ZNF385D: variants seen among roughly 807,000 people sequenced by gnomAD.
ZNF385D encodes zinc finger protein 659.
A neutral mutation model predicts 35.8 loss-of-function variants in ZNF385D; 15 were observed. The ratio of observed to expected loss-of-function variants is 0.42; its 90% CI spans 0.28 to 0.64. The LOEUF is 0.64. ZNF385D is among the 30% of genes least tolerant of loss of function. The pLI is 0.23. For synonymous variants in ZNF385D, 212 were observed against 186.8 expected (o/e 1.13, Z -1.10); for missense variants, 474 against 494.6 (o/e 0.96, Z 0.39).
chr3:21,962,676 C>A (rs1702660875), intron 3 of ZNF385D, among the ~76,000 whole-genome samples: 1 of 152,148 alleles, frequency 6.6e-6, no homozygotes, highest in African/African-American at 2.4e-5. Context: ...GTGCTATTAA[C>A]TGGTGAGGTG....
At chr3:21,806,798 T>G (rs1246193888) in intron 3 of ZNF385D, among the ~76,000 whole-genome samples, 1 of 152,220 alleles carries the variant, frequency 6.6e-6, no homozygotes, top group Non-Finnish European at 1.5e-5. Flanking sequence ...TACAAACTCC[T>G]GAACCTTCTT....
At chr3:21,826,292 G>A (rs1042256010) in intron 3 of ZNF385D, among the ~76,000 whole-genome samples, 4 of 152,156 alleles carry the variant, frequency 2.6e-5, no homozygotes, top group African/African-American at 7.2e-5. Flanking sequence ...AACGTTTACC[G>A]CAATCCCCAA....
At chr3:21,826,299 C>A (rs759009799) in intron 3 of ZNF385D, among the ~76,000 whole-genome samples, 2 of 152,140 alleles carry the variant, frequency 1.3e-5, no homozygotes, top group Non-Finnish European at 2.9e-5. Flanking sequence ...ACCGCAATCC[C>A]CAACCTGATT....
At chr3:22,015,472 C>G (rs1229889314) in intron 3 of ZNF385D, among the ~76,000 whole-genome samples, 1 of 152,108 alleles carries the variant, frequency 6.6e-6, no homozygotes, top group African/African-American at 2.4e-5. Flanking sequence ...GGCAGCCCCA[C>G]AGCTCACTGT....
chr3:22,245,425 T>C (rs865844923), intron 2 of ZNF385D, among the ~76,000 whole-genome samples: 1 of 149,382 alleles, frequency 6.7e-6, no homozygotes, highest in Non-Finnish European at 1.5e-5. Flanking sequence ...TCAAAATATT[T>C]AGAGGTAGTG....
intron 3 of ZNF385D, among the ~76,000 whole-genome samples, chr3:21,812,919 G>A (rs759905890): frequency 1.3e-5 from 2 of 152,186 alleles, no homozygotes; most frequent in African/African-American, 2.4e-5. Context: ...TGACCCCTGA[G>A]TAGCCCAACT....
chr3:21,908,150 CTATCTAT>C (rs1699786687), intron 3 of ZNF385D, among the ~76,000 whole-genome samples: 1 of 150,408 alleles, frequency 6.6e-6, no homozygotes, highest in African/African-American at 2.5e-5. Context: ...ATCTATCTAT[CTATCTAT>C]CTATCTATCT....
At chr3:22,247,242 T>C (rs1699832858) in intron 2 of ZNF385D, among the ~76,000 whole-genome samples, 1 of 151,990 alleles carries the variant, frequency 6.6e-6, no homozygotes, top group Non-Finnish European at 1.5e-5. Context: ...AACCATCTGA[T>C]TAAAAGAAAA....
At chr3:22,146,679 C>T (rs1398137279) in intron 3 of ZNF385D, among the ~76,000 whole-genome samples, 2 of 152,190 alleles carry the variant, frequency 1.3e-5, no homozygotes, top group East Asian at 3.9e-4. Flanking sequence ...CATTATATAA[C>T]ACTTATGATT....
At chr3:21,442,109 T>A (rs1701890836) in intron 4 of ZNF385D, among the ~76,000 whole-genome samples, 1 of 152,118 alleles carries the variant, frequency 6.6e-6, no homozygotes, top group Non-Finnish European at 1.5e-5. Context: ...ACACTGTAAA[T>A]ACTTCTTTAA....
intron 3 of ZNF385D, among the ~76,000 whole-genome samples, chr3:21,942,113 ATG>A (rs1701551106): frequency 1.3e-5 from 2 of 152,150 alleles, no homozygotes; most frequent in Non-Finnish European, 2.9e-5. Context: ...CTTTAACTTT[ATG>A]TGTATTATGT....
At chr3:21,629,197 C>G (rs78608855) in intron 2 of ZNF385D, among the ~76,000 whole-genome samples, 1,557 of 152,122 alleles carry the variant, frequency 0.01, 22 homozygotes, top group Non-Finnish European at 0.015. Flanking sequence ...TGAAGACTTT[C>G]TAAAAGTTGT....
chr3:22,288,746 C>A (rs1335257640), intron 2 of ZNF385D, among the ~76,000 whole-genome samples: 1 of 152,052 alleles, frequency 6.6e-6, no homozygotes, highest in East Asian at 1.9e-4. Flanking sequence ...TTATCTTGTT[C>A]TTTCATTTGG....
At chr3:22,080,749 T>C (rs1168100384) in intron 3 of ZNF385D, among the ~76,000 whole-genome samples, 1 of 152,078 alleles carries the variant, frequency 6.6e-6, no homozygotes, top group Non-Finnish European at 1.5e-5. Flanking sequence ...GTAGGGCCTT[T>C]GGGGGGCAAT....
chr3:22,234,930 C>G (rs772677329), intron 2 of ZNF385D, among the ~76,000 whole-genome samples: 1 of 151,882 alleles, frequency 6.6e-6, no homozygotes, highest in African/African-American at 2.4e-5. Context: ...TTTAGCCAGG[C>G]AAAATATCTT....
intron 1 of ZNF385D, among the ~76,000 whole-genome samples, chr3:21,725,730 A>G (rs1395834344): frequency 2.0e-5 from 3 of 152,190 alleles, no homozygotes; most frequent in African/African-American, 4.8e-5. Flanking sequence ...AGAAAAATTG[A>G]CAGCTGAATT....
intron 3 of ZNF385D, among the ~76,000 whole-genome samples, chr3:22,036,058 C>T (rs1469826049): frequency 1.3e-5 from 2 of 151,922 alleles, no homozygotes; most frequent in Non-Finnish European, 2.9e-5. Context: ...ACAAGGGTAT[C>T]CTGGGAGGAA....
intron 3 of ZNF385D, among the ~76,000 whole-genome samples, chr3:21,761,073 G>A (rs570253834): frequency 6.6e-6 from 1 of 152,242 alleles, no homozygotes; most frequent in Non-Finnish European, 1.5e-5. Context: ...GGACACTCAA[G>A]AAGCCCTGTG....
rs879941909 is a variant in ZNF385D, at chr3:22,050,583, T to C, written c.325+118234A>G. ...ATTCAATTTTGGTAGATTGTATGTATTGAACATTGTTTTCTAGGTTTTAAT... is the reference window on the plus strand; with the variant it reads ...ATTCAATTTTGGTAGATTGTATGTACTGAACATTGTTTTCTAGGTTTTAAT... On this transcript the variant is annotated intron_variant, in intron 3 of 5. Transcript: ENST00000494108. Among the ~76,000 whole-genome samples the C allele has an allele frequency of 1.9e-4, 29 of 152,224 alleles. 1 individual carries two copies. The highest frequency in any genetic ancestry group is 5.3e-4 in the African/African-American group (22 of 41,448).
Sources: gnomAD v4.1 joint callset for allele counts (sites outside exome capture counted in the v4.1 genomes callset) on GRCh38, gnomAD v4.1.1 for gene constraint, MANE v1.5 for transcripts, NCBI Gene and HGNC (gene_info 2026-07-23, HGNC 2026-07-21) for gene names.